TCF12: variants seen among roughly 807,000 people sequenced by gnomAD.
TCF12 encodes DNA-binding protein HTF4.
Under a neutral mutation model 86.0 loss-of-function variants are expected in TCF12, and 45 were observed. The ratio of observed to expected loss-of-function variants is 0.52; its 90% CI spans 0.41 to 0.67. The LOEUF (loss-of-function observed/expected upper bound fraction) is 0.67. Among genes scored for constraint, TCF12 ranks in the 30% least tolerant of loss-of-function variants. TCF12 has a pLI of 0.00. For missense variants in TCF12, 881 were observed against 859.9 expected (o/e 1.02, Z -0.31); for synonymous variants, 330 against 299.6 (o/e 1.10, Z -1.05).
Position 57,184,492 on chromosome 15 carries a change from G to C in TCF12, c.391-7666G>C, listed in dbSNP as rs544192507. Among the ~76,000 whole-genome samples the C allele has an allele frequency of 5.3e-5, 8 of 152,214 alleles. No individual in the cohort carries two copies. In the South Asian group the frequency reaches 1.5e-3, roughly 28 times the overall value. On this transcript the variant is annotated intron_variant, in intron 6 of 20. Coordinates refer to ENST00000333725, the MANE Select transcript of TCF12 (RefSeq NM_207037.2). ...TTTGTTTGTGTGTATGTTATGACCAGCTTCATATGTGCCTTCCCCATGAGA... is the reference window on the plus strand; with the variant it reads ...TTTGTTTGTGTGTATGTTATGACCACCTTCATATGTGCCTTCCCCATGAGA...
intron 3 of TCF12, among the ~76,000 whole-genome samples, chr15:57,010,410 A>G (rs12899915): frequency 0.39 from 58,890 of 152,012 alleles, 14,209 homozygotes; most frequent in Non-Finnish European, 0.53. Flanking sequence ...CATGCAGCCT[A>G]TCTTTAAGTT....
At chr15:56,991,034 A>G (rs1297521290) in intron 3 of TCF12, among the ~76,000 whole-genome samples, 1 of 152,014 alleles carries the variant, frequency 6.6e-6, no homozygotes, top group African/African-American at 2.4e-5. Flanking sequence ...GGGCTTAATC[A>G]GTCCTCCCAC....
chr15:57,111,128 TTTC>T (rs1201325701), intron 5 of TCF12, among the ~76,000 whole-genome samples: 8 of 152,154 alleles, frequency 5.3e-5, no homozygotes, highest in African/African-American at 1.9e-4. Context: ...TTCTAGCTTT[TTTC>T]TTGTTTTAAA....
intron 5 of TCF12, among the ~76,000 whole-genome samples, chr15:57,138,007 T>C (rs2052677927): frequency 6.6e-6 from 1 of 151,788 alleles, no homozygotes; most frequent in Admixed American, 6.6e-5. Context: ...CCAGCCTGGC[T>C]GACAGAGTGA....
At chr15:57,247,899 A>G (rs2059934805) in intron 13 of TCF12, 6 of 762,598 alleles carry the variant, frequency 7.9e-6, no homozygotes, top group South Asian at 5.4e-5. Context: ...CTCTTAAACT[A>G]TCATCTGTAG....
At chr15:56,994,304 G>A (rs1260375600) in intron 3 of TCF12, among the ~76,000 whole-genome samples, 1 of 152,098 alleles carries the variant, frequency 6.6e-6, no homozygotes, top group African/African-American at 2.4e-5. Context: ...AATATTTTTA[G>A]ACATCCAGGT....
chr15:57,236,810 C>G (rs778353436), intron 12 of TCF12, among the ~76,000 whole-genome samples: 26 of 151,178 alleles, frequency 1.7e-4, no homozygotes, highest in Admixed American at 5.3e-4. Flanking sequence ...GTTCCCAAAG[C>G]CCTGTGGATT....
chr15:57,156,760 G>A (rs2054137590), intron 5 of TCF12, among the ~76,000 whole-genome samples: 1 of 152,192 alleles, frequency 6.6e-6, no homozygotes, highest in African/African-American at 2.4e-5. Context: ...AAAAAACAGA[G>A]TTAAACACTG....
intron 18 of TCF12, among the ~76,000 whole-genome samples, chr15:57,271,803 G>A (rs1430747976): frequency 6.6e-6 from 1 of 152,142 alleles, no homozygotes; most frequent in African/African-American, 2.4e-5. Flanking sequence ...TAATACACAT[G>A]TAATAATAAA....
chr15:57,238,230 G>GT (rs2059459821), intron 12 of TCF12, among the ~76,000 whole-genome samples: 1 of 151,936 alleles, frequency 6.6e-6, no homozygotes, highest in African/African-American at 2.4e-5. Context: ...GTTTACACCA[G>GT]TTTTACATAT....
chr15:57,180,836 A>G (rs1243402218), intron 6 of TCF12, among the ~76,000 whole-genome samples: 1 of 52,788 alleles, frequency 1.9e-5, no homozygotes, highest in Non-Finnish European at 2.8e-5. Context: ...TTTTTTTGAG[A>G]TGGAGTCTCG....
At chr15:56,954,985 CAG>C (rs1567160010) in intron 3 of TCF12, among the ~76,000 whole-genome samples, 1 of 152,158 alleles carries the variant, frequency 6.6e-6, no homozygotes, top group East Asian at 1.9e-4. Flanking sequence ...TTGTGGAAGA[CAG>C]TGTGGCGATC....
intron 4 of TCF12, 86 bp from the exon 5 acceptor site, chr15:57,091,703 T>G: frequency 1.1e-6 from 1 of 875,358 alleles, no homozygotes; most frequent in Non-Finnish European, 1.8e-6. Flanking sequence ...TGTAAGTCTG[T>G]ATATTAATTA....
chr15:56,946,716 C>G (rs2061013149), intron 3 of TCF12, among the ~76,000 whole-genome samples: 2 of 150,122 alleles, frequency 1.3e-5, no homozygotes, highest in Admixed American at 6.6e-5. Flanking sequence ...GGCTTTTTTT[C>G]TGGCAGGAAA....
intron 5 of TCF12, among the ~76,000 whole-genome samples, chr15:57,150,662 A>T (rs569054557): frequency 6.6e-6 from 1 of 152,178 alleles, no homozygotes; most frequent in Non-Finnish European, 1.5e-5. Flanking sequence ...ACCCAGAGAA[A>T]AAGTAATCAG....
Position 57,287,999 on chromosome 15 carries a change from A to G in TCF12, c.*1854A>G, listed in dbSNP as rs2061988213. On this transcript the variant is annotated 3_prime_UTR_variant, in exon 21 of 21. Transcript: ENST00000333725. The stretch of plus-strand genomic sequence containing the variant: ...TATTAGACTTTGCAGTATGCCCAGA[A>G]GCTTTCCTTCATAAAATAGAAAGAA... 1 of 152,588 alleles carries G rather than the reference A, an allele frequency of 6.6e-6. No individual in the cohort carries two copies. Among genetic ancestry groups the G allele is most frequent in the African/African-American group, 2.4e-5 (1 of 41,440 alleles). The allele number at this position is 152,588 out of a possible 1,614,324, so 9.5% of individuals were successfully genotyped here.
At chr15:57,065,974 A>G (rs1424106094) in intron 4 of TCF12, among the ~76,000 whole-genome samples, 1 of 152,106 alleles carries the variant, frequency 6.6e-6, no homozygotes. Context: ...TTTTGTTCCC[A>G]TTGAAATCCA....
chr15:57,263,605 T>C (rs761131473), intron 18 of TCF12, among the ~76,000 whole-genome samples: 5 of 151,452 alleles, frequency 3.3e-5, no homozygotes, highest in Non-Finnish European at 7.4e-5. Context: ...GGTACGGACA[T>C]TTAGATAGAT....
chr15:57,195,303 TG>T (rs2057202129), intron 7 of TCF12, among the ~76,000 whole-genome samples: 2 of 152,220 alleles, frequency 1.3e-5, no homozygotes. Flanking sequence ...TGTATAGTGG[TG>T]GGTAACCAAA....
Sources: allele counts gnomAD v4.1 joint callset (sites outside exome capture counted in the v4.1 genomes callset), GRCh38; gene constraint gnomAD v4.1.1; transcripts MANE v1.5; gene names NCBI Gene and HGNC (gene_info 2026-07-23, HGNC 2026-07-21).